PCM1: variants seen among roughly 807,000 people sequenced by gnomAD.
The protein encoded by PCM1 is pericentriolar material 1.
Under a neutral mutation model 241.9 loss-of-function variants are expected in PCM1, and 157 were observed. That is an observed-to-expected ratio of 0.65 (90% CI 0.57 to 0.74). PCM1 has a LOEUF of 0.74. Ranked by LOEUF, PCM1 falls within the 30% of genes least tolerant of loss-of-function variation. The probability of loss-of-function intolerance (pLI) is 0.00; values close to 1 mark genes in which losing one functional copy is unlikely to be tolerated. For synonymous variants in PCM1, 1,085 were observed against 784.9 expected (o/e 1.38, Z -6.39); for missense variants, 3,478 against 2,360.1 (o/e 1.47, Z -9.81).
At chr8:17,977,281 T>C (rs2079107127) in intron 23 of PCM1, among the ~76,000 whole-genome samples, 1 of 152,158 alleles carries the variant, frequency 6.6e-6, no homozygotes, top group Non-Finnish European at 1.5e-5. Flanking sequence ...TTCAGTAAAT[T>C]TCATGCAGAC....
chr8:17,959,282 AAC>A (rs573082460), intron 13 of PCM1, among the ~76,000 whole-genome samples: 3 of 151,512 alleles, frequency 2.0e-5, no homozygotes, highest in African/African-American at 4.8e-5. Context: ...GTAATTAAGA[AAC>A]ACAAATATGA....
At chr8:17,943,482 C>T (rs547380424) in intron 6 of PCM1, among the ~76,000 whole-genome samples, 1 of 151,978 alleles carries the variant, frequency 6.6e-6, no homozygotes, top group African/African-American at 2.4e-5. Context: ...TAGTGACAAG[C>T]GAAATTTAAG....
At chr8:17,975,463 A>C (rs552147124) in intron 23 of PCM1, among the ~76,000 whole-genome samples, 1 of 152,144 alleles carries the variant, frequency 6.6e-6, no homozygotes, top group South Asian at 2.1e-4. Context: ...GCGCCCGACC[A>C]ATTTTTATTA....
intron 36 of PCM1, among the ~76,000 whole-genome samples, chr8:18,019,382 G>A (rs932769568): frequency 6.6e-6 from 1 of 152,126 alleles, no homozygotes; most frequent in Non-Finnish European, 1.5e-5. Flanking sequence ...ATTTTTCCAT[G>A]GACTGGGGTA....
chr8:17,973,153 A>G (rs577944309), intron 23 of PCM1, among the ~76,000 whole-genome samples: 32 of 152,292 alleles, frequency 2.1e-4, no homozygotes, highest in African/African-American at 7.5e-4. Flanking sequence ...GTCCTTCTGG[A>G]AGTAAACTCA....
intron 36 of PCM1, among the ~76,000 whole-genome samples, chr8:18,017,322 T>G (rs117448278): frequency 0.01 from 1,544 of 152,352 alleles, 20 homozygotes; most frequent in Non-Finnish European, 0.017. Flanking sequence ...TTTTATGGTT[T>G]TATTCATTAA....
At position 17,938,837 on chromosome 8, in the gene PCM1, A is replaced by T; in HGVS notation, c.440A>T (p.Gln147Leu). 6.2e-7 allele frequency: 1 copy of T among 1,613,640 alleles called. No homozygotes were observed. The highest frequency in any genetic ancestry group is 8.5e-7 in the Non-Finnish European group (1 of 1,179,526). The change falls in exon 5 of 39, where the codon CAG (glutamine) becomes CTG (leucine). Residue 147 changes from glutamine to leucine, a missense_variant. By Grantham distance (113) the Gln-to-Leu change is moderately radical (BLOSUM62 -2). Coordinates refer to ENST00000325083, the MANE Select transcript of PCM1 (RefSeq NM_006197.4). ...NRKPFNFLPM[Q>L]INTNKSKDAS... ...AAGCCCTTCAACTTTTTGCCTATGC[A>T]GATTAATACTAACAAGAGCAAAGAT...
rs2076248081 is a variant in PCM1 at position 17,969,835 on chromosome 8, G to A, written c.3584+87G>A. ...TGTGTAATTTGAAAACACAACTAGGGAGGACGTTTGTGATGATTTGGCTTG... is the reference window on the plus strand; with the variant it reads ...TGTGTAATTTGAAAACACAACTAGGAAGGACGTTTGTGATGATTTGGCTTG... On this transcript the variant is annotated intron_variant, in intron 22 of 38. Transcript: ENST00000325083. 6.0e-6 allele frequency: 6 copies of A among 1,005,308 alleles called. 1 individual carries two copies. Among genetic ancestry groups the A allele is most frequent in the South Asian group, 3.2e-5 (2 of 62,472 alleles). 62.3% of individuals were successfully genotyped at this position (1,005,308 alleles called of 1,614,324 possible).
At chr8:17,941,845 A>G (rs1388834453) in intron 6 of PCM1, among the ~76,000 whole-genome samples, 1 of 146,626 alleles carries the variant, frequency 6.8e-6, no homozygotes, top group Non-Finnish European at 1.5e-5. Context: ...GGTATACTTT[A>G]CAATATTAAC....
At chr8:18,010,528 T>C (rs974551080) in intron 31 of PCM1, 81 bp from the exon 32 acceptor site, 15 of 997,040 alleles carry the variant, frequency 1.5e-5, no homozygotes, top group Non-Finnish European at 2.3e-5. Flanking sequence ...TCCCAGTACT[T>C]TGGGAGGCTG....
chr8:18,023,629 T>C (rs982313777), intron 36 of PCM1, among the ~76,000 whole-genome samples: 16 of 152,208 alleles, frequency 1.1e-4, no homozygotes, highest in Non-Finnish European at 7.3e-5. Flanking sequence ...ATTTTTTTTA[T>C]CAGATAAGCA....
At chr8:17,975,062 C>T (rs183715630) in intron 23 of PCM1, among the ~76,000 whole-genome samples, 13 of 152,206 alleles carry the variant, frequency 8.5e-5, no homozygotes, top group Non-Finnish European at 1.6e-4. Context: ...TCACCTTATG[C>T]CAACTAAATC....
intron 16 of PCM1, 70 bp downstream of exon 16, chr8:17,962,244 A>C (rs1035473017): frequency 3.7e-6 from 5 of 1,359,660 alleles, no homozygotes; most frequent in Non-Finnish European, 5.0e-6. Context: ...TCAATAAGGC[A>C]CATCTCAAGA....
At chr8:18,026,159 C>CA (rs1692596782) in intron 38 of PCM1, among the ~76,000 whole-genome samples, 1 of 71,858 alleles carries the variant, frequency 1.4e-5, no homozygotes, top group Non-Finnish European at 2.5e-5. Flanking sequence ...GCGAGACTCC[C>CA]TCTCTGAAAC....
At chr8:17,936,984 A>G (rs1585875252) in intron 3 of PCM1, 150 bp from the exon 4 acceptor site, 1 of 561,698 alleles carries the variant, frequency 1.8e-6, no homozygotes, top group Admixed American at 3.6e-5. Flanking sequence ...ATGGGTTAAT[A>G]GAAGTAAATA....
At chr8:17,970,517 G>A (rs1168423545) in intron 22 of PCM1, among the ~76,000 whole-genome samples, 1 of 150,578 alleles carries the variant, frequency 6.6e-6, no homozygotes, top group African/African-American at 2.4e-5. Context: ...ATTAACATCC[G>A]TTACTTTGTT....
At position 17,952,954 on chromosome 8, in the gene PCM1, GTTTT is replaced by G; in HGVS notation, c.1072-10_1072-7del. The stretch of plus-strand genomic sequence containing the variant: ...TTAGTCTTAATTCTTCTTTTTTGTT[GTTTT>G]TTTTTAATAAGCCTCCAGCTGTTCC... On this transcript the variant is annotated splice_polypyrimidine_tract_variant and intron_variant, in intron 8 of 38. Coordinates refer to ENST00000325083, the MANE Select transcript of PCM1 (RefSeq NM_006197.4). 1 of 1,433,884 alleles carries G rather than the reference GTTTT, an allele frequency of 7.0e-7. No homozygotes were observed. The highest frequency in any genetic ancestry group is 9.4e-7 in the Non-Finnish European group (1 of 1,062,574). The allele number at this position is 1,433,884 out of a possible 1,614,324, so 88.8% of individuals were successfully genotyped here. A position where few individuals can be genotyped will look rare whatever the true frequency, so the allele number is the denominator to read the frequency against.
At chr8:17,923,667 G>A (rs2055538241) in intron 1 of PCM1, among the ~76,000 whole-genome samples, 1 of 152,122 alleles carries the variant, frequency 6.6e-6, no homozygotes, top group South Asian at 2.1e-4. Context: ...AAGGGCGGAT[G>A]AGGAGCGACG....
Position 18,011,779 on chromosome 8 carries a change from C to A in PCM1, c.5463C>A (p.Ser1821=), listed in dbSNP as rs761923209. 1.1e-5 allele frequency: 17 copies of A among 1,613,578 alleles called. No homozygotes were observed. Among genetic ancestry groups the A allele is most frequent in the Non-Finnish European group, 1.4e-5 (17 of 1,179,732 alleles). Reference sequence around the variant, plus strand: ...AAGGCCCTGTGGATGTCCAGACTTCCCTCCAGGCTAACACTGAAGCTACTG... The same window carrying A: ...AAGGCCCTGTGGATGTCCAGACTTCACTCCAGGCTAACACTGAAGCTACTG... ...FEEGPVDVQT[S]LQANTEATEE... is the part of the protein sequence containing the mutation. Residue 1821 remains serine, a synonymous_variant, in exon 34 of 39, where the codon TCC becomes TCA. Coordinates refer to ENST00000325083, the MANE Select transcript of PCM1 (RefSeq NM_006197.4).
Sources: gnomAD v4.1 joint callset for allele counts (sites outside exome capture counted in the v4.1 genomes callset) on GRCh38, gnomAD v4.1.1 for gene constraint, MANE v1.5 for transcripts, NCBI Gene and HGNC (gene_info 2026-07-23, HGNC 2026-07-21) for gene names.